DEPTOR: variants seen among roughly 807,000 people sequenced by gnomAD.
DEPTOR encodes DEP domain containing MTOR interacting protein.
A neutral mutation model predicts 41.6 loss-of-function variants in DEPTOR; 41 were observed. The ratio of observed to expected loss-of-function variants is 0.98; its 90% confidence interval spans 0.77 to 1.28. The LOEUF (loss-of-function observed/expected upper bound fraction) is 1.28, where lower values mean the gene tolerates loss of function less well. Among genes scored for constraint, DEPTOR ranks in the 50% most tolerant of loss-of-function variants. DEPTOR has a pLI of 0.00. For synonymous variants in DEPTOR, 195 were observed against 192.3 expected, an observed-to-expected ratio of 1.01 and a Z score of -0.12; for missense variants, 514 against 527.9, an observed-to-expected ratio of 0.97 and a Z score of 0.26.
chr8:119,991,060 TTC>T (rs1427106183), intron 4 of DEPTOR, among the ~76,000 whole-genome samples: 1 of 49,102 alleles, frequency 2.0e-5, no homozygotes, highest in Non-Finnish European at 4.2e-5. Flanking sequence ...CTTTCTTTCT[TTC>T]TTTCTTTCTT....
At chr8:119,887,920 A>G (rs1281685653) in intron 1 of DEPTOR, among the ~76,000 whole-genome samples, 1 of 135,526 alleles carries the variant, frequency 7.4e-6, no homozygotes, top group African/African-American at 2.5e-5. Context: ...CTACCCGCTC[A>G]AGTGAGCCCC....
At chr8:119,976,675 T>C (rs571497002) in intron 4 of DEPTOR, among the ~76,000 whole-genome samples, 1 of 152,318 alleles carries the variant, frequency 6.6e-6, no homozygotes, top group African/African-American at 2.4e-5. Flanking sequence ...CAGCCACCTA[T>C]GGCCAGGTGA....
chr8:119,952,148 G>C (rs1351243070), intron 3 of DEPTOR, among the ~76,000 whole-genome samples: 1 of 151,592 alleles, frequency 6.6e-6, no homozygotes, highest in Non-Finnish European at 1.5e-5. Context: ...AAAAAAAGAG[G>C]AAGTCAAAGA....
intron 1 of DEPTOR, among the ~76,000 whole-genome samples, chr8:119,898,023 G>A (rs1827542483): frequency 6.6e-6 from 1 of 152,146 alleles, no homozygotes; most frequent in Non-Finnish European, 1.5e-5. Context: ...ATGTAGAGAT[G>A]TTTAAATTAT....
chr8:119,978,038 T>C (rs745354601), intron 4 of DEPTOR, among the ~76,000 whole-genome samples: 1 of 152,184 alleles, frequency 6.6e-6, no homozygotes, highest in Non-Finnish European at 1.5e-5. Flanking sequence ...TTGTCCATTG[T>C]ATATAAACTG....
At chr8:120,018,344 G>A (rs1331361609) in intron 8 of DEPTOR, among the ~76,000 whole-genome samples, 3 of 152,150 alleles carry the variant, frequency 2.0e-5, no homozygotes, top group South Asian at 2.1e-4. Flanking sequence ...TTGGGAGGCC[G>A]AGGCAGGCGG....
chr8:119,983,196 G>T (rs1828788631), intron 4 of DEPTOR, among the ~76,000 whole-genome samples: 1 of 151,956 alleles, frequency 6.6e-6, no homozygotes, highest in Non-Finnish European at 1.5e-5. Context: ...TGGATGAAGG[G>T]CATAAGGGAG....
chr8:119,887,390 T>C (rs1827381825), intron 1 of DEPTOR, among the ~76,000 whole-genome samples: 1 of 24,418 alleles, frequency 4.1e-5, no homozygotes, highest in Non-Finnish European at 7.2e-5. Context: ...CTGCACTCCT[T>C]TCCCCTCCCC....
intron 4 of DEPTOR, among the ~76,000 whole-genome samples, chr8:119,973,875 A>G (rs1205799022): frequency 6.6e-6 from 1 of 152,186 alleles, no homozygotes; most frequent in African/African-American, 2.4e-5. Context: ...GCTTGAGAGT[A>G]GCTATGATTA....
rs1164517514 is a variant in DEPTOR, at chr8:119,902,325, G to T, written c.123-26075G>T. Among the ~76,000 whole-genome samples, 3 of 142,696 alleles carry T rather than the reference G, an allele frequency of 2.1e-5. No individual in the cohort carries two copies. In the Admixed American group the frequency reaches 2.4e-4, roughly 11 times the overall value. The allele number at this position is 142,696 out of a possible 152,430, so 93.6% of individuals were successfully genotyped here. ...CACACATGACTAAGTGATGGAGACTGCTCAGATTTAGGATTTAGGATTTTT... is the reference window on the plus strand; with the variant it reads ...CACACATGACTAAGTGATGGAGACTTCTCAGATTTAGGATTTAGGATTTTT... On this transcript the variant is annotated intron_variant, in intron 1 of 8. Transcript: ENST00000286234.
At chr8:120,045,080 C>G (rs558628314) in intron 8 of DEPTOR, among the ~76,000 whole-genome samples, 1 of 152,326 alleles carries the variant, frequency 6.6e-6, no homozygotes, top group African/African-American at 2.4e-5. Flanking sequence ...ACCTGATCCT[C>G]TATACCCCTA....
intron 8 of DEPTOR, among the ~76,000 whole-genome samples, chr8:120,021,231 C>A (rs938272466): frequency 6.6e-6 from 1 of 151,760 alleles, no homozygotes; most frequent in Non-Finnish European, 1.5e-5. Context: ...GGCGAAACCC[C>A]GTCTCTACTA....
intron 4 of DEPTOR, among the ~76,000 whole-genome samples, chr8:119,991,080 TTCTTTCTTTTTCTTTCTTTCTTTC>T (rs1208627594): frequency 4.2e-4 from 32 of 75,880 alleles, no homozygotes; most frequent in African/African-American, 1.5e-3. Context: ...CTTTCTTTCT[TTCTTTCTTTTTCTTTCTTTCTTTC>T]TTTCTTTCTT....
intron 4 of DEPTOR, among the ~76,000 whole-genome samples, chr8:119,974,897 G>C (rs1437027141): frequency 6.6e-6 from 1 of 151,982 alleles, no homozygotes; most frequent in Non-Finnish European, 1.5e-5. Context: ...TTATACAAAT[G>C]TATGGTTTGT....
intron 1 of DEPTOR, among the ~76,000 whole-genome samples, chr8:119,883,213 C>A (rs994840574): frequency 2.0e-5 from 3 of 151,950 alleles, no homozygotes; most frequent in African/African-American, 7.2e-5. Context: ...GGTGGCTCAC[C>A]CCTGTAATCC....
chr8:120,034,605 G>T (rs1191310003), intron 8 of DEPTOR, among the ~76,000 whole-genome samples: 13 of 151,562 alleles, frequency 8.6e-5, no homozygotes, highest in Admixed American at 8.6e-4. Flanking sequence ...CAGCCACCAC[G>T]CCTGGCTAAT....
chr8:119,977,908 C>T (rs1445741442), intron 4 of DEPTOR, among the ~76,000 whole-genome samples: 1 of 152,068 alleles, frequency 6.6e-6, no homozygotes. Context: ...ATCCTCCCAC[C>T]TCAGCCTCCC....
At chr8:120,031,522 G>A (rs1812892581) in intron 8 of DEPTOR, among the ~76,000 whole-genome samples, 1 of 151,990 alleles carries the variant, frequency 6.6e-6, no homozygotes, top group African/African-American at 2.4e-5. Flanking sequence ...GCTCCATCGT[G>A]CTGTAAGGAT....
At chr8:119,948,167 G>T (rs2129917085) in intron 3 of DEPTOR, among the ~76,000 whole-genome samples, 1 of 152,210 alleles carries the variant, frequency 6.6e-6, no homozygotes, top group South Asian at 2.1e-4. Context: ...TTTAACATTT[G>T]CTTCCCCATC....
Sources: gnomAD v4.1 joint callset for allele counts (sites outside exome capture counted in the v4.1 genomes callset) on GRCh38, gnomAD v4.1.1 for gene constraint, MANE v1.5 for transcripts, NCBI Gene and HGNC (gene_info 2026-07-23, HGNC 2026-07-21) for gene names.